LRCH3: variants seen among roughly 807,000 people sequenced by gnomAD.
The protein encoded by LRCH3 is DISP complex protein LRCH3.
Under a neutral mutation model 104.5 loss-of-function variants are expected in LRCH3, and 68 were observed. That is an observed-to-expected ratio of 0.65 (90% CI 0.54 to 0.80). The LOEUF is 0.80. LRCH3 is among the 30% of genes least tolerant of loss of function. LRCH3 has a pLI of 0.00. For synonymous variants in LRCH3, 344 were observed against 361.3 expected (o/e 0.95, Z 0.54); for missense variants, 951 against 953.9 (o/e 1.00, Z 0.04).
chr3:197,823,572 C>G (rs9869231), intron 4 of LRCH3: 3,347 of 152,166 alleles, frequency 0.022, 69 homozygotes, highest in East Asian at 0.053. Flanking sequence ...ACCGTAGCCT[C>G]GAACTCTGTG....
Position 197,813,510 on chromosome 3 carries a change from A to ATTTTTT in LRCH3, c.263-1365_263-1360dup, listed in dbSNP as rs57062885. Among the ~76,000 whole-genome samples the ATTTTTT allele has an allele frequency of 5.1e-4, 34 of 66,058 alleles. 1 individual carries two copies. Among genetic ancestry groups the ATTTTTT allele is most frequent in the Non-Finnish European group, 8.2e-4 (26 of 31,720 alleles). The allele number at this position is 66,058 out of a possible 152,430, so 43.3% of individuals were successfully genotyped here. ...CCGTTCTTCTAATGGGAGGCATATA[A>ATTTTTT]TTTTTTTTTTTTTTTTTTTTTTTTT... is the stretch of plus-strand genomic sequence containing the variant. On this transcript the variant is annotated intron_variant, in intron 1 of 20. Coordinates refer to ENST00000425562, the MANE Select transcript of LRCH3 (RefSeq NM_001365715.1).
chr3:197,813,238 A>G (rs143538392), intron 1 of LRCH3, among the ~76,000 whole-genome samples: 313 of 152,344 alleles, frequency 2.1e-3, no homozygotes, highest in Non-Finnish European at 3.6e-3. Flanking sequence ...CAAACAATCC[A>G]TTTATACTCT....
intron 14 of LRCH3, among the ~76,000 whole-genome samples, chr3:197,858,154 T>C (rs1163176005): frequency 6.6e-6 from 1 of 152,200 alleles, no homozygotes; most frequent in Non-Finnish European, 1.5e-5. Context: ...AAAATTGTCA[T>C]GTTTTGAGCA....
At chr3:197,875,829 T>G in intron 20 of LRCH3, 54 bp downstream of exon 20, 1 of 1,175,026 alleles carries the variant, frequency 8.5e-7, no homozygotes, top group Non-Finnish European at 1.2e-6. Context: ...TGTCCTAAAA[T>G]TTTAGAAATG....
chr3:197,871,814 C>G (rs1246587542), intron 19 of LRCH3, among the ~76,000 whole-genome samples: 1 of 152,160 alleles, frequency 6.6e-6, no homozygotes, highest in Non-Finnish European at 1.5e-5. Flanking sequence ...GGGAGGGGGC[C>G]TTCCAGGCAT....
At chr3:197,846,548 A>AC (rs1186468749) in intron 10 of LRCH3, among the ~76,000 whole-genome samples, 4 of 151,490 alleles carry the variant, frequency 2.6e-5, no homozygotes, top group South Asian at 2.1e-4. Context: ...AAAAATTAAA[A>AC]AAAAAAAAAC....
chr3:197,820,189 C>T (rs982517773), intron 3 of LRCH3, 136 bp from the exon 4 acceptor site: 5 of 656,444 alleles, frequency 7.6e-6, no homozygotes, highest in Non-Finnish European at 8.1e-6. Context: ...TAGGTAGTCT[C>T]TTTTCAGAAC....
rs1174866875 is a variant in LRCH3 at position 197,835,771 on chromosome 3, C to G, written c.1200C>G (p.Ser400Arg). The G allele has an allele frequency of 6.2e-6, 10 of 1,614,024 alleles. No individual in the cohort carries two copies. The highest frequency in any genetic ancestry group is 1.1e-5 in the South Asian group (1 of 91,072). ...AGCCCAAGGGACCAGACCCAGACAG[C>G]CTTAGTTCACAGTTTATGGCGTATA... ...VRQPKGPDPD[S>R]LSSQFMAYIE... The change falls in exon 9 of 21, where the codon AGC (serine) becomes AGG (arginine). Residue 400 changes from serine (S) to arginine (R), a missense_variant. Physicochemically the swap from Ser to Arg is moderately radical, Grantham distance 110. Transcript: ENST00000425562.
intron 1 of LRCH3, among the ~76,000 whole-genome samples, chr3:197,802,729 C>T (rs559275876): frequency 6.6e-6 from 1 of 152,052 alleles, no homozygotes; most frequent in Non-Finnish European, 1.5e-5. Flanking sequence ...TTCTATGTTC[C>T]TAGGAATTTA....
intron 1 of LRCH3, among the ~76,000 whole-genome samples, chr3:197,803,902 G>A (rs1449907475): frequency 1.3e-5 from 2 of 152,066 alleles, no homozygotes; most frequent in African/African-American, 4.8e-5. Context: ...ATTGGCCTTA[G>A]TTAATTTAAC....
chr3:197,795,426 C>T (rs1217136711), intron 1 of LRCH3, among the ~76,000 whole-genome samples: 1 of 152,108 alleles, frequency 6.6e-6, no homozygotes, highest in Non-Finnish European at 1.5e-5. Context: ...ATTTTGCAAT[C>T]AGCACACATG....
chr3:197,817,014 A>G (rs1302723561), intron 2 of LRCH3, among the ~76,000 whole-genome samples, 162 bp from the exon 3 acceptor site: 2 of 152,172 alleles, frequency 1.3e-5, no homozygotes, highest in African/African-American at 4.8e-5. Flanking sequence ...GCCTGTAACC[A>G]TAAAGCTGAC....
rs776923241 is a variant in LRCH3 at position 197,854,457 on chromosome 3, G to T, written c.1644+12G>T. Reference sequence around the variant, plus strand: ...GTGCCTTGTGCATGGTAAGAGTTTTGCACAAAACGGAGTTTCGCATTTCTG... The same window carrying T: ...GTGCCTTGTGCATGGTAAGAGTTTTTCACAAAACGGAGTTTCGCATTTCTG... On this transcript the variant is annotated intron_variant, in intron 14 of 20. Transcript: ENST00000425562. This position sits in a 1 kb window ranked among gnomAD's most constrained non-coding sequence, Gnocchi z 4.5. 6.2e-7 allele frequency: 1 copy of T among 1,613,440 alleles called. No individual in the cohort carries two copies.
rs1188140717 is a variant in LRCH3, at chr3:197,887,450, G to A, written c.*3784G>A. 7.3e-6 allele frequency: 1 copy of A among 137,334 alleles called. No individual in the cohort carries two copies. Among genetic ancestry groups the A allele is most frequent in the Non-Finnish European group, 1.5e-5 (1 of 65,354 alleles). The allele number at this position is 137,334 out of a possible 1,614,324, so 8.5% of individuals were successfully genotyped here. A position where few individuals can be genotyped will look rare whatever the true frequency, so the allele number is the denominator to read the frequency against. ...CACTGAACAGTGTTGGCGGCTGAGA[G>A]CCCCCCAGCAGAGCCCTTCCCATCA... is the stretch of plus-strand genomic sequence containing the variant. On this transcript the variant is annotated 3_prime_UTR_variant, in exon 21 of 21. Transcript: ENST00000425562.
chr3:197,837,038 A>G (rs1580729275), intron 9 of LRCH3, among the ~76,000 whole-genome samples: 2 of 152,152 alleles, frequency 1.3e-5, no homozygotes, highest in East Asian at 3.9e-4. Flanking sequence ...AATACTTTTG[A>G]ACACCGTATT....
chr3:197,819,201 A>G (rs1476954900), intron 3 of LRCH3, among the ~76,000 whole-genome samples: 4 of 151,914 alleles, frequency 2.6e-5, no homozygotes, highest in Non-Finnish European at 5.9e-5. Flanking sequence ...GTTCAGCAAC[A>G]TCCTTGTTGG....
At chr3:197,813,141 G>C (rs1039823188) in intron 1 of LRCH3, among the ~76,000 whole-genome samples, 1 of 152,092 alleles carries the variant, frequency 6.6e-6, no homozygotes, top group Non-Finnish European at 1.5e-5. Flanking sequence ...GGGTCTGTGA[G>C]GTACTCTGAT....
chr3:197,814,059 T>C (rs1368080277), intron 1 of LRCH3, among the ~76,000 whole-genome samples: 1 of 152,214 alleles, frequency 6.6e-6, no homozygotes, highest in African/African-American at 2.4e-5. Flanking sequence ...CTTTATTTCC[T>C]CAAATGTTTG....
intron 12 of LRCH3, among the ~76,000 whole-genome samples, chr3:197,851,750 G>T (rs1739629855): frequency 6.6e-6 from 1 of 152,128 alleles, no homozygotes; most frequent in African/African-American, 2.4e-5. Flanking sequence ...AAATGGATTT[G>T]CTGAATTACC....
Sources: allele counts gnomAD v4.1 joint callset (sites outside exome capture counted in the v4.1 genomes callset), GRCh38; gene constraint gnomAD v4.1.1; non-coding constraint Gnocchi (gnomAD v3.1); transcripts MANE v1.5; gene names NCBI Gene and HGNC (gene_info 2026-07-23, HGNC 2026-07-21).